Variants in AFAP1L1 observed in about 807,000 individuals in gnomAD.
The protein encoded by AFAP1L1 is actin filament-associated protein 1-like 1.
AFAP1L1 carries 77 observed loss-of-function variants against 99.8 expected under a neutral mutation model. The observed-to-expected ratio is 0.77, with a 90% CI of 0.64 to 0.93. The LOEUF is 0.93. AFAP1L1 is among the 40% of genes least tolerant of loss of function. AFAP1L1 has a pLI of 0.00. For missense variants in AFAP1L1, 893 were observed against 996.8 expected (o/e 0.90, Z 1.40); for synonymous variants, 373 against 395.3 (o/e 0.94, Z 0.67).
In AFAP1L1 at chr5:149,277,861, G is replaced by C. The variant is rs575122558; in HGVS notation, c.16+5877G>C. On this transcript the variant is annotated intron_variant, in intron 1 of 18. Transcript: ENST00000296721. ...CTGCAATGGGTGTAAGGAGTCATAC[G>C]GGGCCGTATGACTTAACTCTGTTCC... 1.9e-3 allele frequency among the ~76,000 whole-genome samples: 290 copies of C among 152,238 alleles called. 1 individual carries two copies. The highest frequency in any genetic ancestry group is 6.7e-3 in the African/African-American group (277 of 41,532).
Position 149,278,013 on chromosome 5 carries a change from C to T in AFAP1L1, c.16+6029C>T, listed in dbSNP as rs139582934. On this transcript the variant is annotated intron_variant, in intron 1 of 18. Coordinates refer to ENST00000296721, the MANE Select transcript of AFAP1L1 (RefSeq NM_152406.4). Reference sequence around the variant, plus strand: ...CCCTCAAATATCAGTTTCAAACTCCCGTTTTCACATGAGTAAGCATTCTGC... The same window carrying T: ...CCCTCAAATATCAGTTTCAAACTCCTGTTTTCACATGAGTAAGCATTCTGC... 5.3e-4 allele frequency among the ~76,000 whole-genome samples: 80 copies of T among 152,288 alleles called. 1 individual carries two copies. In the South Asian group the frequency reaches 0.013, roughly 26 times the overall value.
chr5:149,317,618 G>C (rs966637025), intron 11 of AFAP1L1, 111 bp from the exon 12 acceptor site: 6 of 1,111,732 alleles, frequency 5.4e-6, no homozygotes, highest in East Asian at 2.6e-5. Flanking sequence ...AGGGGAAAGA[G>C]AGCTGACCAG....
intron 1 of AFAP1L1, among the ~76,000 whole-genome samples, chr5:149,290,593 TA>T (rs1252490362): frequency 3.3e-5 from 5 of 152,242 alleles, no homozygotes; most frequent in African/African-American, 1.2e-4. Context: ...TGTGCATCAC[TA>T]AATCAATTGG....
intron 7 of AFAP1L1, among the ~76,000 whole-genome samples, chr5:149,308,828 C>T (rs991718028): frequency 6.6e-6 from 1 of 151,934 alleles, no homozygotes; most frequent in Admixed American, 6.6e-5. Context: ...AGTATGGTGG[C>T]TCATGCCTGT....
At chr5:149,336,378 A>G (rs1373557558) in intron 18 of AFAP1L1, among the ~76,000 whole-genome samples, 1 of 152,270 alleles carries the variant, frequency 6.6e-6, no homozygotes, top group Non-Finnish European at 1.5e-5. Context: ...TACCAAAACA[A>G]TGGAGAAATA....
At chr5:149,307,268 A>G (rs909953364) in intron 6 of AFAP1L1, 134 bp from the exon 7 acceptor site, 1 of 878,222 alleles carries the variant, frequency 1.1e-6, no homozygotes, top group Non-Finnish European at 1.8e-6. Context: ...TAGGGGCCTT[A>G]GTCATTACCA....
At chr5:149,335,118 G>A (rs1411755567) in intron 17 of AFAP1L1, among the ~76,000 whole-genome samples, 1 of 152,216 alleles carries the variant, frequency 6.6e-6, no homozygotes, top group Admixed American at 6.5e-5. Flanking sequence ...TGTCATTATC[G>A]TTATCTGAAG....
At chr5:149,321,871 C>A (rs552099660) in intron 14 of AFAP1L1, among the ~76,000 whole-genome samples, 9 of 151,982 alleles carry the variant, frequency 5.9e-5, no homozygotes, top group African/African-American at 2.2e-4. Flanking sequence ...AAAACCCTGT[C>A]TCTACAAAAA....
intron 6 of AFAP1L1, among the ~76,000 whole-genome samples, 169 bp from the exon 7 acceptor site, chr5:149,307,233 C>T (rs1000371470): frequency 9.2e-5 from 14 of 151,812 alleles, no homozygotes; most frequent in East Asian, 3.9e-4. Flanking sequence ...GGTGACAGAG[C>T]GAGATTCCGT....
chr5:149,329,416 C>G (rs892837095), intron 15 of AFAP1L1, among the ~76,000 whole-genome samples: 20 of 152,220 alleles, frequency 1.3e-4, no homozygotes, highest in Admixed American at 7.9e-4. Flanking sequence ...CTTTGACCAG[C>G]TGAAGGTCAA....
intron 12 of AFAP1L1, among the ~76,000 whole-genome samples, chr5:149,319,006 C>T (rs906245348): frequency 6.6e-6 from 1 of 152,158 alleles, no homozygotes. Context: ...TTATCTTATA[C>T]ACGAAGGTTT....
At chr5:149,315,754 A>C in intron 9 of AFAP1L1, 67 bp from the exon 10 acceptor site, 1 of 1,389,308 alleles carries the variant, frequency 7.2e-7, no homozygotes, top group East Asian at 2.3e-5. Context: ...AGATTGAACC[A>C]ATAAAGGGAA....
At chr5:149,299,440 G>A in intron 1 of AFAP1L1, 69 bp from the exon 2 acceptor site, 1 of 1,586,118 alleles carries the variant, frequency 6.3e-7, no homozygotes, top group Non-Finnish European at 8.6e-7. Context: ...AGGTGGTGGG[G>A]GGCCGAACTC....
chr5:149,339,634 G>C (rs1361903542), intron 18 of AFAP1L1, among the ~76,000 whole-genome samples: 1 of 152,196 alleles, frequency 6.6e-6, no homozygotes, highest in African/African-American at 2.4e-5. Flanking sequence ...CAATAGGCCA[G>C]ACTTGGCCCA....
chr5:149,282,067 A>C (rs984550249), intron 1 of AFAP1L1, among the ~76,000 whole-genome samples: 2 of 152,174 alleles, frequency 1.3e-5, no homozygotes, highest in African/African-American at 4.8e-5. Flanking sequence ...TCTATCCTCC[A>C]TCTACAATTC....
chr5:149,314,054 G>A (rs1756721346), intron 9 of AFAP1L1, among the ~76,000 whole-genome samples: 1 of 152,166 alleles, frequency 6.6e-6, no homozygotes, highest in African/African-American at 2.4e-5. Flanking sequence ...GAGGGAAGAC[G>A]GGCACCTATG....
chr5:149,339,117 G>A (rs1048748975), intron 18 of AFAP1L1, among the ~76,000 whole-genome samples: 26 of 151,354 alleles, frequency 1.7e-4, no homozygotes, highest in Non-Finnish European at 3.2e-4. Context: ...TGCCATTGTC[G>A]CATGAAAATA....
intron 1 of AFAP1L1, among the ~76,000 whole-genome samples, chr5:149,285,486 G>T (rs1222313761): frequency 6.6e-6 from 1 of 152,124 alleles, no homozygotes; most frequent in Non-Finnish European, 1.5e-5. Context: ...AAACAGGCTT[G>T]GTGAAATGAT....
chr5:149,325,191 G>A (rs1024791297), intron 15 of AFAP1L1, among the ~76,000 whole-genome samples: 1 of 152,206 alleles, frequency 6.6e-6, no homozygotes, highest in Non-Finnish European at 1.5e-5. Context: ...ATTTACTCTA[G>A]AAAATTTGCT....
Sources: gnomAD v4.1 joint callset for allele counts (sites outside exome capture counted in the v4.1 genomes callset) on GRCh38, gnomAD v4.1.1 for gene constraint, MANE v1.5 for transcripts, NCBI Gene and HGNC (gene_info 2026-07-23, HGNC 2026-07-21) for gene names.